Variants in PDHX observed in about 807,000 individuals in gnomAD.
PDHX encodes the protein pyruvate dehydrogenase protein X component, mitochondrial.
A neutral mutation model predicts 55.3 loss-of-function variants in PDHX; 33 were observed. That is an observed-to-expected ratio of 0.60 (90% CI 0.45 to 0.80). The LOEUF (loss-of-function observed/expected upper bound fraction) is 0.80. Ranked by LOEUF, PDHX falls within the 30% of genes least tolerant of loss-of-function variation. The pLI, the probability that PDHX is intolerant of heterozygous loss-of-function variation, is 0.00. For synonymous variants in PDHX, 226 were observed against 219.4 expected, an observed-to-expected ratio of 1.03 and a Z score of -0.27; for missense variants, 622 against 619.9, an observed-to-expected ratio of 1.00 and a Z score of -0.04.
rs182838837 is a variant in PDHX, at chr11:34,953,750, A to T, written c.343-3634A>T. Reference sequence around the variant, plus strand: ...ACTACATTTAAATCCTGCCTCTGCTACATACTTGTCTTGTGATCTTGAGCA... The same window carrying T: ...ACTACATTTAAATCCTGCCTCTGCTTCATACTTGTCTTGTGATCTTGAGCA... On this transcript the variant is annotated intron_variant, in intron 3 of 10. Transcript: ENST00000227868. 5.3e-5 allele frequency among the ~76,000 whole-genome samples: 8 copies of T among 152,332 alleles called. No individual in the cohort carries two copies. The East Asian group carries it at 1.5e-3, about 29-fold the overall frequency.
rs550356194 is a variant in PDHX, at chr11:34,945,169, C to T, written c.242-2337C>T. Among the ~76,000 whole-genome samples, 18 of 152,244 alleles carry T rather than the reference C, an allele frequency of 1.2e-4. 1 individual carries two copies. The East Asian group carries it at 2.5e-3, about 21-fold the overall frequency. ...AAGTAAGGTGGTAAAAATAAAATTA[C>T]TTTTGCACCAGCTGAATATATCAAA... is the stretch of plus-strand genomic sequence containing the variant. On this transcript the variant is annotated intron_variant, in intron 2 of 10. Transcript: ENST00000227868.
intron 8 of PDHX, among the ~76,000 whole-genome samples, chr11:34,981,779 T>G (rs902622368): frequency 6.6e-6 from 1 of 152,216 alleles, no homozygotes; most frequent in African/African-American, 2.4e-5. Flanking sequence ...TCATGTGTCT[T>G]TTGGCTGCAT....
chr11:34,923,931 G>T (rs1368460469), intron 1 of PDHX, among the ~76,000 whole-genome samples: 1 of 152,196 alleles, frequency 6.6e-6, no homozygotes, highest in African/African-American at 2.4e-5. Context: ...TAGAGATCAA[G>T]AATTAGTGTA....
intron 9 of PDHX, among the ~76,000 whole-genome samples, chr11:34,989,362 A>G (rs1855713611): frequency 6.6e-6 from 1 of 151,850 alleles, no homozygotes; most frequent in African/African-American, 2.4e-5. Context: ...AGGGGGGACT[A>G]CTGTATGCAA....
Position 34,996,039 on chromosome 11 carries a change from G to GT in PDHX, c.*868dup, listed in dbSNP as rs1855851322. On this transcript the variant is annotated 3_prime_UTR_variant, in exon 11 of 11. Coordinates refer to ENST00000227868, the MANE Select transcript of PDHX (RefSeq NM_003477.3). ...AATGCATTTAAATCAGTTTTGTATT[G>GT]TGCAGTAAAATGTGAGAAAATATAA... 6.6e-6 allele frequency: 1 copy of GT among 152,058 alleles called. No homozygotes were observed. The highest frequency in any genetic ancestry group is 2.1e-4 in the South Asian group (1 of 4,832). 9.4% of individuals were successfully genotyped at this position (152,058 alleles called of 1,614,324 possible).
At chr11:34,985,169 G>A (rs901930557) in intron 9 of PDHX, among the ~76,000 whole-genome samples, 10 of 152,164 alleles carry the variant, frequency 6.6e-5, no homozygotes, top group African/African-American at 1.2e-4. Flanking sequence ...GCGGCCAGGC[G>A]CGGTGTCTCA....
intron 7 of PDHX, among the ~76,000 whole-genome samples, chr11:34,971,283 C>T (rs1018580310): frequency 3.9e-5 from 6 of 151,900 alleles, no homozygotes; most frequent in African/African-American, 1.4e-4. Flanking sequence ...TATTTTTGAC[C>T]TATATGGCCT....
chr11:34,953,228 G>T (rs1339999984), intron 3 of PDHX, among the ~76,000 whole-genome samples: 1 of 152,192 alleles, frequency 6.6e-6, no homozygotes, highest in Non-Finnish European at 1.5e-5. Context: ...CATGCTCGTG[G>T]GTAGGAAGAA....
intron 2 of PDHX, among the ~76,000 whole-genome samples, chr11:34,940,292 A>T (rs374358032): frequency 1.8e-3 from 269 of 152,210 alleles, no homozygotes; most frequent in African/African-American, 5.9e-3. Context: ...GAGACAAGGG[A>T]TTTTTTTGTA....
intron 2 of PDHX, among the ~76,000 whole-genome samples, chr11:34,942,377 G>C (rs1023848096): frequency 5.3e-5 from 8 of 152,278 alleles, no homozygotes; most frequent in African/African-American, 1.9e-4. Flanking sequence ...ACATAAAGAT[G>C]TATGTGAAGC....
At chr11:34,969,086 T>C (rs1855197349) in intron 6 of PDHX, among the ~76,000 whole-genome samples, 1 of 152,168 alleles carries the variant, frequency 6.6e-6, no homozygotes, top group Non-Finnish European at 1.5e-5. Flanking sequence ...CAACCACTGC[T>C]CTGCAGTGTA....
chr11:34,993,192 A>C (rs1409843280), intron 10 of PDHX, among the ~76,000 whole-genome samples: 1 of 151,892 alleles, frequency 6.6e-6, no homozygotes, highest in Non-Finnish European at 1.5e-5. Flanking sequence ...TTATTTCTGG[A>C]TATACAGACC....
chr11:34,916,551 A>C, upstream of PDHX: 1 of 1,515,832 alleles, frequency 6.6e-7, no homozygotes, highest in Non-Finnish European at 8.8e-7. Flanking sequence ...TGAGAGACCT[A>C]AAGGCACCGC....
At chr11:34,916,226 A>G (rs202241286), upstream of PDHX, 41 of 1,611,066 alleles carry the variant, frequency 2.5e-5, no homozygotes, top group East Asian at 8.9e-4. Flanking sequence ...CCCCGCCCCT[A>G]CCTGCGCGCC....
At chr11:34,987,064 C>A (rs934522978) in intron 9 of PDHX, among the ~76,000 whole-genome samples, 1 of 152,200 alleles carries the variant, frequency 6.6e-6, no homozygotes, top group Admixed American at 6.5e-5. Context: ...AAAGCAGTGG[C>A]AATGAGGACT....
At position 34,937,350 on chromosome 11, in the gene PDHX, G is replaced by A. The variant is rs1414246926; in HGVS notation, c.241+5866G>A. Among the ~76,000 whole-genome samples the A allele has an allele frequency of 1.3e-5, 2 of 151,702 alleles. 1 individual carries two copies. The highest frequency in any genetic ancestry group is 3.9e-4 in the East Asian group (2 of 5,162). ...AAGTGGTGCTGGAATGCAGAGAAAG[G>A]AAATCACCAAGTGTCCCCACATCTG... On this transcript the variant is annotated intron_variant, in intron 2 of 10. Coordinates refer to ENST00000227868, the MANE Select transcript of PDHX (RefSeq NM_003477.3).
chr11:34,942,865 C>T (rs1313624740), intron 2 of PDHX, among the ~76,000 whole-genome samples: 1 of 152,032 alleles, frequency 6.6e-6, no homozygotes, highest in Admixed American at 6.6e-5. Flanking sequence ...CTACCCTCTC[C>T]CTTGGCATTC....
chr11:34,989,731 C>G (rs997145536), intron 9 of PDHX, among the ~76,000 whole-genome samples: 6 of 152,034 alleles, frequency 3.9e-5, no homozygotes, highest in African/African-American at 1.2e-4. Flanking sequence ...AAATAGTTTC[C>G]TAACACTCTT....
intron 2 of PDHX, among the ~76,000 whole-genome samples, chr11:34,943,388 A>G (rs1473209155): frequency 1.3e-5 from 2 of 152,174 alleles, no homozygotes; most frequent in Non-Finnish European, 2.9e-5. Flanking sequence ...TTGAATACTG[A>G]TGAACACAAA....
Sources: allele counts gnomAD v4.1 joint callset (sites outside exome capture counted in the v4.1 genomes callset), GRCh38; gene constraint gnomAD v4.1.1; transcripts MANE v1.5; gene names NCBI Gene and HGNC (gene_info 2026-07-23, HGNC 2026-07-21).